The following UGT2A3 variants were observed in gnomAD, a reference collection of about 807,000 sequenced individuals.
UGT2A3 encodes UDP glucuronosyltransferase family 2 member A3, also known as UDP-glucuronosyltransferase 2A3.
A neutral mutation model predicts 44.1 loss-of-function variants in UGT2A3; 55 were observed. The observed-to-expected ratio is 1.25, with a 90% CI of 1.00 to 1.56. UGT2A3 has a LOEUF of 1.56. UGT2A3 is among the 40% of genes most tolerant of loss of function. The probability of loss-of-function intolerance (pLI) is 0.00; values close to 1 mark genes in which losing one functional copy is unlikely to be tolerated. For missense variants in UGT2A3, 733 were observed against 621.6 expected, an observed-to-expected ratio of 1.18 and a Z score of -1.91; for synonymous variants, 243 against 215.1, an observed-to-expected ratio of 1.13 and a Z score of -1.13.
At position 68,929,791 on chromosome 4, in the gene UGT2A3, T is replaced by A. The variant is rs1210454850; in HGVS notation, c.*22A>T. ...GAATTAACAGGATTACCCCATCAGG[T>A]CTTTCTTGAATTTGGAAAGATCTAT... On this transcript the variant is annotated 3_prime_UTR_variant, in exon 6 of 6. Transcript: ENST00000251566. 1 of 1,541,448 alleles carries A rather than the reference T, an allele frequency of 6.5e-7. No individual in the cohort carries two copies.
rs1004980537 is a variant in UGT2A3 at position 68,930,060 on chromosome 4, A to G, written c.1337T>C (p.Ile446Thr). 1.2e-6 allele frequency: 2 copies of G among 1,612,820 alleles called. No homozygotes were observed. Among genetic ancestry groups the G allele is most frequent in the Middle Eastern group, 3.5e-4 (2 of 5,718 alleles). ...YKENAMRLSR[I>T]HHDQPVKPLD... ...GGGCTTTACAGGTTGATCATGGTGAATTCTTGATAATCTCATAGCATTCTC... is the reference window on the plus strand; with the variant it reads ...GGGCTTTACAGGTTGATCATGGTGAGTTCTTGATAATCTCATAGCATTCTC... Residue 446 changes from isoleucine to threonine, a missense_variant, in exon 6 of 6, where the codon ATT (isoleucine) becomes ACT (threonine). Physicochemically the swap from Ile to Thr is moderately conservative, Grantham distance 89. Coordinates refer to ENST00000251566, the MANE Select transcript of UGT2A3 (RefSeq NM_024743.4).
chr4:68,937,681 A>G (rs1238872980), intron 2 of UGT2A3, among the ~76,000 whole-genome samples: 1 of 152,142 alleles, frequency 6.6e-6, no homozygotes, highest in Non-Finnish European at 1.5e-5. Context: ...TACATTCAAA[A>G]GCTGGTAGAA....
chr4:68,950,989 A>AT (rs1265599357), intron 1 of UGT2A3, 57 bp downstream of exon 1: 27 of 1,288,830 alleles, frequency 2.1e-5, no homozygotes, highest in Non-Finnish European at 2.6e-5. Context: ...ATGTATGACA[A>AT]TTTTTAAAAA....
chr4:68,935,037 G>A (rs1250921224), intron 2 of UGT2A3, among the ~76,000 whole-genome samples: 1 of 151,178 alleles, frequency 6.6e-6, no homozygotes, highest in Non-Finnish European at 1.5e-5. Flanking sequence ...ATAAAAACAA[G>A]GAGAAATAAA....
intron 2 of UGT2A3, among the ~76,000 whole-genome samples, chr4:68,938,976 GA>G (rs1316429342): frequency 6.6e-6 from 1 of 152,014 alleles, no homozygotes; most frequent in Non-Finnish European, 1.5e-5. Flanking sequence ...AAATACCTAG[GA>G]ATCCAACTTA....
intron 1 of UGT2A3, among the ~76,000 whole-genome samples, chr4:68,949,508 A>C (rs1364257773): frequency 2.6e-5 from 4 of 152,044 alleles, no homozygotes; most frequent in Non-Finnish European, 1.5e-5. Flanking sequence ...TCACCGTAAC[A>C]GATATAACAA....
chr4:68,944,178 G>C (rs951748206), intron 2 of UGT2A3, among the ~76,000 whole-genome samples: 1 of 151,756 alleles, frequency 6.6e-6, no homozygotes. Context: ...GCCTTGTCAG[G>C]GTTTCCTATA....
At chr4:68,932,872 T>G (rs1717788454) in intron 2 of UGT2A3, 113 bp from the exon 3 acceptor site, 2 of 1,101,838 alleles carry the variant, frequency 1.8e-6, no homozygotes, top group Middle Eastern at 2.2e-4. Context: ...TGTAGTTATA[T>G]TCTGTCCCTA....
chr4:68,940,485 A>C (rs115423964), intron 2 of UGT2A3, among the ~76,000 whole-genome samples: 4,377 of 151,976 alleles, frequency 0.029, 238 homozygotes, highest in African/African-American at 0.1. Context: ...ACTTTTAGGT[A>C]GGAAGTGAAC....
In UGT2A3 at chr4:68,929,979, T is replaced by C; in HGVS notation, c.1418A>G (p.His473Arg). The C allele has an allele frequency of 1.2e-6, 2 of 1,613,634 alleles. No homozygotes were observed. The highest frequency in any genetic ancestry group is 3.3e-5 in the Admixed American group (2 of 59,956). Residue 473 changes from histidine to arginine, a missense_variant, in exon 6 of 6, where the codon CAC becomes CGC. His to Arg is a conservative substitution (Grantham distance 29). Transcript: ENST00000251566. ...GAGGTCATGGGCAGCTGATCGCAGG[T>C]GCTTGGCTCCTTTGTGGCGCATGAC... ...EFVMRHKGAK[H>R]LRSAAHDLTW... is the part of the protein sequence containing the mutation.
chr4:68,939,567 A>C (rs764937210), intron 2 of UGT2A3, among the ~76,000 whole-genome samples: 6 of 152,166 alleles, frequency 3.9e-5, no homozygotes, highest in Admixed American at 2.0e-4. Context: ...TAAAGACTTA[A>C]ATGTTAGACC....
intron 1 of UGT2A3, among the ~76,000 whole-genome samples, chr4:68,947,323 A>G (rs1718415444): frequency 6.6e-6 from 1 of 151,942 alleles, no homozygotes; most frequent in East Asian, 2.0e-4. Context: ...GTGTTCATCT[A>G]TAAAAAGTAA....
At chr4:68,946,372 A>T (rs181663491) in intron 1 of UGT2A3, among the ~76,000 whole-genome samples, 18 of 151,722 alleles carry the variant, frequency 1.2e-4, no homozygotes, top group Admixed American at 1.1e-3. Context: ...TTAATGTTTG[A>T]AGTTTTTTCC....
chr4:68,935,519 A>T (rs1432716200), intron 2 of UGT2A3, among the ~76,000 whole-genome samples: 5 of 151,666 alleles, frequency 3.3e-5, no homozygotes, highest in Non-Finnish European at 7.4e-5. Context: ...CATCAAAATC[A>T]ATAAAAAGGA....
rs773253080 is a variant in UGT2A3 at position 68,930,075 on chromosome 4, A to T, written c.1322T>A (p.Met441Lys). ...ATCATGGTGAATTCTTGATAATCTC[A>T]TAGCATTCTCTTTATAACTGGAAGG... Reference protein sequence around the residue: ...ITDSSYKENAMRLSRIHHDQP... With the variant: ...ITDSSYKENAKRLSRIHHDQP... Residue 441 changes from methionine to lysine, a missense_variant, in exon 6 of 6, where the codon ATG becomes AAG. Coordinates refer to ENST00000251566, the MANE Select transcript of UGT2A3 (RefSeq NM_024743.4). 6 of 1,609,880 alleles carry T rather than the reference A, an allele frequency of 3.7e-6. No homozygotes were observed. The highest frequency in any genetic ancestry group is 1.3e-5 in the African/African-American group (1 of 74,898).
intron 2 of UGT2A3, among the ~76,000 whole-genome samples, chr4:68,933,256 T>C (rs1279522216): frequency 2.6e-5 from 4 of 151,894 alleles, no homozygotes; most frequent in Non-Finnish European, 5.9e-5. Flanking sequence ...AATTAAAAAA[T>C]CCATGACCAG....
Position 68,950,576 on chromosome 4 carries a change from A to G in UGT2A3, c.715+470T>C, listed in dbSNP as rs1174462969. On this transcript the variant is annotated intron_variant, in intron 1 of 5. Coordinates refer to ENST00000251566, the MANE Select transcript of UGT2A3 (RefSeq NM_024743.4). ...ACCGTAAGTCTTTTAACTTTTTATA[A>G]TATTTTTTCAAGTTTTTGTGAAGTA... 3.3e-5 allele frequency among the ~76,000 whole-genome samples: 5 copies of G among 151,900 alleles called. No homozygotes were observed. In the East Asian group the frequency reaches 7.8e-4, roughly 24 times the overall value.
At chr4:68,936,578 G>C (rs1459284888) in intron 2 of UGT2A3, among the ~76,000 whole-genome samples, 2 of 151,996 alleles carry the variant, frequency 1.3e-5, no homozygotes, top group Non-Finnish European at 2.9e-5. Flanking sequence ...ACATGGAAAA[G>C]AACAACTGGT....
intron 1 of UGT2A3, among the ~76,000 whole-genome samples, chr4:68,947,904 T>C (rs952462150): frequency 6.6e-6 from 1 of 151,824 alleles, no homozygotes; most frequent in Non-Finnish European, 1.5e-5. Flanking sequence ...TGTGATATCA[T>C]CCAGGCTTTG....
Sources: allele counts gnomAD v4.1 joint callset (sites outside exome capture counted in the v4.1 genomes callset), GRCh38; gene constraint gnomAD v4.1.1; transcripts MANE v1.5; gene names NCBI Gene and HGNC (gene_info 2026-07-23, HGNC 2026-07-21).